The following CFAP20DC variants were observed in gnomAD, a reference collection of about 807,000 sequenced individuals.
CFAP20DC encodes protein CFAP20DC.
A neutral mutation model predicts 101.7 loss-of-function variants in CFAP20DC; 84 were observed. That is an observed-to-expected ratio of 0.83 (90% confidence interval 0.69 to 0.99). The LOEUF (loss-of-function observed/expected upper bound fraction) is 0.99, where lower values mean the gene tolerates loss of function less well. CFAP20DC is among the 50% of genes least tolerant of loss of function. The pLI is 0.00. For missense variants in CFAP20DC, 1,007 were observed against 970.3 expected (o/e 1.04, Z -0.50); for synonymous variants, 359 against 351.2 (o/e 1.02, Z -0.25).
intron 6 of CFAP20DC, among the ~76,000 whole-genome samples, chr3:58,902,194 TTGA>T (rs764389311): frequency 1.3e-5 from 2 of 152,238 alleles, no homozygotes; most frequent in Non-Finnish European, 2.9e-5. Flanking sequence ...CATTCATTTG[TTGA>T]TGAACACTTG....
chr3:58,773,858 G>C (rs1036696922), intron 15 of CFAP20DC, among the ~76,000 whole-genome samples: 2 of 152,078 alleles, frequency 1.3e-5, no homozygotes, highest in Middle Eastern at 3.4e-3. Flanking sequence ...CAATGGCAAA[G>C]CTAGAAGATG....
intron 4 of CFAP20DC, among the ~76,000 whole-genome samples, chr3:59,021,849 C>T (rs1043059320): frequency 6.6e-6 from 1 of 152,082 alleles, no homozygotes; most frequent in Non-Finnish European, 1.5e-5. Context: ...CAACTCTCAC[C>T]TCCCACGAGG....
At chr3:58,931,112 A>G (rs1167098274) in intron 5 of CFAP20DC, among the ~76,000 whole-genome samples, 1 of 152,072 alleles carries the variant, frequency 6.6e-6, no homozygotes, top group African/African-American at 2.4e-5. Flanking sequence ...GCGCACCAGG[A>G]GATTATATCA....
At chr3:58,955,353 C>T (rs1320788737) in intron 4 of CFAP20DC, among the ~76,000 whole-genome samples, 1 of 152,166 alleles carries the variant, frequency 6.6e-6, no homozygotes, top group Non-Finnish European at 1.5e-5. Context: ...GCCACCCCTC[C>T]CCCATGTTCG....
At chr3:58,933,258 C>T (rs542578490) in intron 5 of CFAP20DC, among the ~76,000 whole-genome samples, 3,323 of 151,674 alleles carry the variant, frequency 0.022, 107 homozygotes, top group African/African-American at 0.075. Flanking sequence ...ACAGGAGCAC[C>T]CAGATTCATA....
At position 58,849,044 on chromosome 3, in the gene CFAP20DC, G is replaced by C; in HGVS notation, c.1959C>G (p.Ile653Met). The change falls in exon 13 of 17, where the codon ATC becomes ATG. Residue 653 changes from isoleucine to methionine, a missense_variant. Coordinates refer to ENST00000482387, the MANE Select transcript of CFAP20DC (RefSeq NM_001394063.1). ...GGGAACCACTTACAGATGCTTCGGG[G>C]ATCGAGCTCAGCCTTTCCCCTGAGA... ...KEISGERLSSIPEASEYDWRN... is the reference protein window; with the variant it reads ...KEISGERLSSMPEASEYDWRN... The C allele has an allele frequency of 1.3e-6, 2 of 1,535,574 alleles. No homozygotes were observed. The highest frequency in any genetic ancestry group is 1.7e-6 in the Non-Finnish European group (2 of 1,146,716).
chr3:58,833,633 T>A (rs1237005406), intron 13 of CFAP20DC, among the ~76,000 whole-genome samples: 2 of 152,212 alleles, frequency 1.3e-5, no homozygotes, highest in Non-Finnish European at 2.9e-5. Context: ...AAAAGTAGAA[T>A]GTTGCAGCCA....
At chr3:58,934,748 A>C (rs1576375872) in intron 5 of CFAP20DC, among the ~76,000 whole-genome samples, 1 of 152,194 alleles carries the variant, frequency 6.6e-6, no homozygotes, top group Admixed American at 6.5e-5. Flanking sequence ...ACTCTCAATA[A>C]ATTAGGTATT....
rs565770422 is a variant in CFAP20DC, at chr3:58,765,661, A to G, written c.2238-11798T>C. Among the ~76,000 whole-genome samples the G allele has an allele frequency of 2.7e-3, 413 of 152,258 alleles. 6 individuals carry two copies. The highest frequency in any genetic ancestry group is 9.8e-3 in the African/African-American group (406 of 41,550). ...TCTAAAACATGGCAATAATTATTAT[A>G]TATCTTTCAATTACAGCATTGAGCT... is the stretch of plus-strand genomic sequence containing the variant. On this transcript the variant is annotated intron_variant, in intron 15 of 16. Transcript: ENST00000482387.
At chr3:58,854,836 C>T (rs1475267631) in intron 12 of CFAP20DC, among the ~76,000 whole-genome samples, 1 of 145,294 alleles carries the variant, frequency 6.9e-6, no homozygotes, top group African/African-American at 2.6e-5. Context: ...AAAATCAATT[C>T]AAGATGGATT....
In CFAP20DC at chr3:58,863,963, T is replaced by C; in HGVS notation, c.1259-71A>G. The C allele has an allele frequency of 7.2e-7, 1 of 1,388,818 alleles. No individual in the cohort carries two copies. The highest frequency in any genetic ancestry group is 9.5e-7 in the Non-Finnish European group (1 of 1,054,860). 86.0% of individuals were successfully genotyped at this position (1,388,818 alleles called of 1,614,324 possible). ...AAGTGTTATTTTTATTTATTTATTT[T>C]TAGTTTTAGTTTTTGAGACAGTCTC... is the stretch of plus-strand genomic sequence containing the variant. On this transcript the variant is annotated intron_variant, in intron 11 of 16. Coordinates refer to ENST00000482387, the MANE Select transcript of CFAP20DC (RefSeq NM_001394063.1). This position sits in a 1 kb window ranked among gnomAD's most constrained non-coding sequence, Gnocchi z 5.9.
At chr3:58,716,338 T>C (rs4681899), downstream of CFAP20DC, among the ~76,000 whole-genome samples, 11 of 151,426 alleles carry the variant, frequency 7.3e-5, no homozygotes, top group African/African-American at 2.7e-4. Flanking sequence ...ATTTTTTTTG[T>C]ATTTTTAGTA....
chr3:58,837,960 T>G (rs546761587), intron 13 of CFAP20DC, among the ~76,000 whole-genome samples: 1 of 152,180 alleles, frequency 6.6e-6, no homozygotes, highest in African/African-American at 2.4e-5. Flanking sequence ...CCAGGGCACC[T>G]CTTTACTAGC....
At chr3:59,049,106 C>T (rs1311739062) in intron 1 of CFAP20DC, among the ~76,000 whole-genome samples, 1 of 152,218 alleles carries the variant, frequency 6.6e-6, no homozygotes, top group Non-Finnish European at 1.5e-5. Context: ...GCCTGATGTA[C>T]TCCAACGTCT....
chr3:58,820,831 G>A lies in CFAP20DC; in HGVS notation c.2175+10855C>T, dbSNP rs1323966548. Among the ~76,000 whole-genome samples the A allele has an allele frequency of 1.0e-3, 150 of 148,310 alleles. 1 individual carries two copies. The highest frequency in any genetic ancestry group is 3.6e-3 in the African/African-American group (140 of 38,672). On this transcript the variant is annotated intron_variant, in intron 14 of 16. Coordinates refer to ENST00000482387, the MANE Select transcript of CFAP20DC (RefSeq NM_001394063.1). ...ATGGAACCAAAAAAGAGCCCGCATC[G>A]CCAAGTCAATCCTAAGCCAAAAGAA... is the stretch of plus-strand genomic sequence containing the variant.
chr3:58,811,751 C>G (rs2107792020), intron 14 of CFAP20DC, among the ~76,000 whole-genome samples: 1 of 152,074 alleles, frequency 6.6e-6, no homozygotes, highest in Non-Finnish European at 1.5e-5. Flanking sequence ...AAGAAACTAC[C>G]ATCAGAGTGA....
intron 4 of CFAP20DC, among the ~76,000 whole-genome samples, chr3:59,027,825 C>T (rs73837016): frequency 0.018 from 2,686 of 152,222 alleles, 66 homozygotes; most frequent in African/African-American, 0.06. Flanking sequence ...AGGGAAGCCA[C>T]GGGCCTCCCA....
rs1431356782 is a variant in CFAP20DC, at chr3:58,721,402, C to A, written c.198-3774G>T. 6.6e-6 allele frequency among the ~76,000 whole-genome samples: 1 copy of A among 150,556 alleles called. No individual in the cohort carries two copies. Among genetic ancestry groups the A allele is most frequent in the Admixed American group, 6.6e-5 (1 of 15,088 alleles). ...ATAGACATTTTTTAAAAATTACAAC[C>A]ATGATAGGGTACCTAGTGCTATGAA... On this transcript the variant is annotated intron_variant, in intron 3 of 3. Coordinates refer to the CFAP20DC transcript ENST00000486145. This position sits in a 1 kb window ranked among gnomAD's most constrained non-coding sequence, Gnocchi z 5.2.
intron 13 of CFAP20DC, 28 bp from the exon 14 acceptor site, chr3:58,831,917 G>A: frequency 6.3e-7 from 1 of 1,596,128 alleles, no homozygotes; most frequent in East Asian, 2.2e-5. Flanking sequence ...AAATAACAAA[G>A]GGTCATTTGG....
Sources: gnomAD v4.1 joint callset for allele counts (sites outside exome capture counted in the v4.1 genomes callset) on GRCh38, gnomAD v4.1.1 for gene constraint, Gnocchi (gnomAD v3.1) non-coding constraint, MANE v1.5 for transcripts, NCBI Gene and HGNC (gene_info 2026-07-23, HGNC 2026-07-21) for gene names.